ROBO2: variants seen among roughly 807,000 people sequenced by gnomAD.
The protein encoded by ROBO2 is roundabout homolog 2.
A neutral mutation model predicts 160.8 loss-of-function variants in ROBO2; 53 were observed. The observed-to-expected ratio is 0.33, with a 90% confidence interval of 0.26 to 0.41. The LOEUF is 0.41. ROBO2 is among the 10% of genes least tolerant of loss of function. ROBO2 has a pLI of 1.00. For missense variants in ROBO2, 1,577 were observed against 1,722.4 expected (o/e 0.92, Z 1.49); for synonymous variants, 664 against 611.7 (o/e 1.09, Z -1.26).
At chr3:76,922,025 A>G (rs2076693425) in intron 2 of ROBO2, among the ~76,000 whole-genome samples, 1 of 152,074 alleles carries the variant, frequency 6.6e-6, no homozygotes, top group African/African-American at 2.4e-5. Context: ...TCACAAAAAA[A>G]TCAAGGCCAG....
At chr3:77,417,675 T>C (rs1181747166) in intron 2 of ROBO2, among the ~76,000 whole-genome samples, 1 of 152,110 alleles carries the variant, frequency 6.6e-6, no homozygotes, top group Non-Finnish European at 1.5e-5. Context: ...ATCAGTAAAC[T>C]TATTTTTTAA....
intron 2 of ROBO2, among the ~76,000 whole-genome samples, chr3:77,430,854 G>A (rs1478841174): frequency 6.6e-6 from 1 of 152,132 alleles, no homozygotes; most frequent in African/African-American, 2.4e-5. Flanking sequence ...ATTTCATATG[G>A]CTAGTTGATG....
At chr3:76,779,221 C>A (rs2608167) in intron 2 of ROBO2, among the ~76,000 whole-genome samples, 25,500 of 150,846 alleles carry the variant, frequency 0.17, 2,499 homozygotes, top group Non-Finnish European at 0.22. Context: ...ATTTAATGTA[C>A]ACAAAGTAAG....
At position 77,332,930 on chromosome 3, in the gene ROBO2, T is replaced by C. The variant is rs554750192; in HGVS notation, c.389-144484T>C. 2.6e-5 allele frequency among the ~76,000 whole-genome samples: 4 copies of C among 152,310 alleles called. No individual in the cohort carries two copies. The South Asian group carries it at 6.2e-4, about 24-fold the overall frequency. ...ACTTATTACAAATTTACCCAGGTAA[T>C]AGAAAACCCGGATGCGCTTCCTCAC... is the stretch of plus-strand genomic sequence containing the variant. On this transcript the variant is annotated intron_variant, in intron 2 of 25. Transcript: ENST00000461745.
chr3:76,746,397 A>G (rs955280252), intron 2 of ROBO2, among the ~76,000 whole-genome samples: 1 of 152,062 alleles, frequency 6.6e-6, no homozygotes, highest in African/African-American at 2.4e-5. Context: ...TAGGTCCCTG[A>G]GGAATCTCCA....
chr3:76,538,341 A>C (rs1452442050), intron 2 of ROBO2, among the ~76,000 whole-genome samples: 1 of 152,228 alleles, frequency 6.6e-6, no homozygotes, highest in East Asian at 1.9e-4. Flanking sequence ...AGTGTCCAGC[A>C]GGATTATAAC....
At chr3:76,380,445 G>C (rs2076560988) in intron 2 of ROBO2, among the ~76,000 whole-genome samples, 1 of 152,124 alleles carries the variant, frequency 6.6e-6, no homozygotes, top group Non-Finnish European at 1.5e-5. Context: ...ACCCGAGTTT[G>C]AACTATGAGG....
intron 2 of ROBO2, among the ~76,000 whole-genome samples, chr3:76,225,180 A>G (rs979187598): frequency 6.6e-6 from 1 of 152,184 alleles, no homozygotes; most frequent in Non-Finnish European, 1.5e-5. Flanking sequence ...TATAACAAAA[A>G]CAGTGGGGGC....
In ROBO2 at chr3:77,622,285, TC is replaced by T; in HGVS notation, c.3614del (p.Ser1205LeufsTer4). 6.2e-7 allele frequency: 1 copy of T among 1,614,180 alleles called. No individual in the cohort carries two copies. Among genetic ancestry groups the T allele is most frequent in the Non-Finnish European group, 8.5e-7 (1 of 1,180,028 alleles). On this transcript the variant is annotated frameshift_variant, in exon 23 of 26. Transcript: ENST00000461745. LOFTEE classifies it high-confidence loss of function. Reference sequence around the variant, plus strand: ...TCCAGTTCCACCGTTAGGTTATGTGTCTGGAGCCTTGATTTCTGATTTGGAA... The same window carrying T: ...TCCAGTTCCACCGTTAGGTTATGTGTTGGAGCCTTGATTTCTGATTTGGAA...
In ROBO2 at chr3:76,573,159, T is replaced by A. The variant is rs1485789306; in HGVS notation, c.110-524855T>A. ...TTTGTGTAGCGAAAAGGGCATGGAT[T>A]TGAGGTCAAATAGATCTGGATTAGG... On this transcript the variant is annotated intron_variant, in intron 2 of 26. Coordinates refer to the ROBO2 transcript ENST00000487694. Among the ~76,000 whole-genome samples the A allele has an allele frequency of 2.6e-5, 4 of 152,246 alleles. No individual in the cohort carries two copies. In the East Asian group the frequency reaches 5.8e-4, roughly 22 times the overall value.
At chr3:76,580,354 G>GTTTTTTTTTTTTTTTTTTTTTTTTTT (rs1457222056) in intron 2 of ROBO2, among the ~76,000 whole-genome samples, 2 of 46,364 alleles carry the variant, frequency 4.3e-5, no homozygotes, top group African/African-American at 7.6e-5. Flanking sequence ...TTTTTTTTTT[G>GTTTTTTTTTTTTTTTTTTTTTTTTTT]TTTTTTTTTT....
intron 2 of ROBO2, among the ~76,000 whole-genome samples, chr3:77,405,529 A>G (rs2076184839): frequency 6.6e-6 from 1 of 152,080 alleles, no homozygotes; most frequent in Admixed American, 6.6e-5. Context: ...ATAACTTAAC[A>G]TTGCAGGTAG....
At chr3:76,103,001 T>A (rs188344596) in intron 2 of ROBO2, among the ~76,000 whole-genome samples, 1 of 152,030 alleles carries the variant, frequency 6.6e-6, no homozygotes, top group Non-Finnish European at 1.5e-5. Context: ...TTTTTTGCAT[T>A]TTTAGTAGAG....
At chr3:75,929,763 C>T (rs1378867972) in intron 1 of ROBO2, among the ~76,000 whole-genome samples, 3 of 150,156 alleles carry the variant, frequency 2.0e-5, no homozygotes, top group East Asian at 2.0e-4. Flanking sequence ...GGTGTGATCT[C>T]GGCTCACTGC....
intron 2 of ROBO2, among the ~76,000 whole-genome samples, chr3:76,999,933 C>G (rs902606991): frequency 2.6e-5 from 4 of 152,058 alleles, no homozygotes; most frequent in African/African-American, 9.7e-5. Context: ...CTTTTGTATC[C>G]TCCTGCAACT....
chr3:76,751,702 C>T (rs1281739866), intron 2 of ROBO2, among the ~76,000 whole-genome samples: 1 of 152,156 alleles, frequency 6.6e-6, no homozygotes, highest in Non-Finnish European at 1.5e-5. Context: ...TGCTCATCAT[C>T]ACTGGCCATC....
At chr3:76,780,902 T>C (rs563234783) in intron 2 of ROBO2, among the ~76,000 whole-genome samples, 28 of 150,888 alleles carry the variant, frequency 1.9e-4, no homozygotes, top group Admixed American at 5.3e-4. Flanking sequence ...ATTCAGTCTT[T>C]TGTGATTCCA....
Position 76,540,094 on chromosome 3 carries a change from A to G in ROBO2, c.110-557920A>G, listed in dbSNP as rs76036540. 3.0e-3 allele frequency among the ~76,000 whole-genome samples: 454 copies of G among 152,202 alleles called. 1 individual carries two copies. The highest frequency in any genetic ancestry group is 0.011 in the African/African-American group (446 of 41,522). On this transcript the variant is annotated intron_variant, in intron 2 of 26. Transcript: ENST00000487694. The stretch of plus-strand genomic sequence containing the variant: ...GCCTAAAAAGGCATTCCTGTAACAG[A>G]GTTGAGTATGCATGAGGAAACAAAA...
intron 2 of ROBO2, among the ~76,000 whole-genome samples, chr3:76,809,495 G>A (rs2064996836): frequency 6.6e-6 from 1 of 152,142 alleles, no homozygotes. Context: ...ATTCAAGGAT[G>A]CGATTATAAC....
Sources: allele counts gnomAD v4.1 joint callset (sites outside exome capture counted in the v4.1 genomes callset), GRCh38; gene constraint gnomAD v4.1.1; transcripts MANE v1.5; gene names NCBI Gene and HGNC (gene_info 2026-07-23, HGNC 2026-07-21).